Variants in MED21 observed in about 807,000 individuals in gnomAD.
The protein encoded by MED21 is mediator of RNA polymerase II transcription subunit 21.
MED21 carries 9 observed loss-of-function variants against 18.2 expected under a neutral mutation model. The observed-to-expected ratio is 0.49, with a 90% CI of 0.30 to 0.86. MED21 has a LOEUF of 0.86. MED21 is among the 40% of genes least tolerant of loss of function. MED21 has a pLI of 0.07. For synonymous variants in MED21, 73 were observed against 60.5 expected (o/e 1.21, Z -0.96); for missense variants, 150 against 170.9 (o/e 0.88, Z 0.68).
In MED21 at chr12:27,028,776, T is replaced by G. The variant is rs919759331; in HGVS notation, c.*315T>G. On this transcript the variant is annotated 3_prime_UTR_variant, in exon 4 of 4. Coordinates refer to ENST00000282892, the MANE Select transcript of MED21 (RefSeq NM_004264.5). ...TATGACATAATTTATGTCTCCATTT[T>G]GTTGTATTGGCCAGTACTTTTACAA... The G allele has an allele frequency of 4.5e-5, 46 of 1,022,332 alleles. No homozygotes were observed. In the African/African-American group the frequency reaches 7.5e-4, roughly 17 times the overall value. The allele number at this position is 1,022,332 out of a possible 1,614,324, so 63.3% of individuals were successfully genotyped here. A position where few individuals can be genotyped will look rare whatever the true frequency, so the allele number is the denominator to read the frequency against.
At chr12:27,037,001 A>C (rs940063614) in intron 2 of MED21, 6 of 152,028 alleles carry the variant, frequency 3.9e-5, no homozygotes, top group African/African-American at 1.5e-4. Flanking sequence ...CTTGATGGGG[A>C]TGGCATTGAA....
At chr12:27,038,860 A>C (rs1023813898) in intron 2 of MED21, 4 of 152,100 alleles carry the variant, frequency 2.6e-5, no homozygotes, top group Non-Finnish European at 5.9e-5. Context: ...TGATGTTTGC[A>C]CAACTCTGTG....
intron 1 of MED21, among the ~76,000 whole-genome samples, chr12:27,025,072 A>G (rs1373359493): frequency 6.6e-6 from 1 of 152,254 alleles, no homozygotes; most frequent in Non-Finnish European, 1.5e-5. Flanking sequence ...TTTGTTGACT[A>G]AATGGATCTT....
At chr12:27,027,528 G>A (rs1941562050) in intron 3 of MED21, 81 bp downstream of exon 3, 1 of 936,436 alleles carries the variant, frequency 1.1e-6, no homozygotes, top group African/African-American at 1.6e-5. Flanking sequence ...CCTTTTGTCT[G>A]TGTCCATTTG....
Position 27,028,787 on chromosome 12 carries a change from C to T in MED21, c.*326C>T, listed in dbSNP as rs1941578775. 9.9e-7 allele frequency: 1 copy of T among 1,008,800 alleles called. No individual in the cohort carries two copies. The highest frequency in any genetic ancestry group is 4.4e-5 in the South Asian group (1 of 22,826). The allele number at this position is 1,008,800 out of a possible 1,614,324, so 62.5% of individuals were successfully genotyped here. A position where few individuals can be genotyped will look rare whatever the true frequency, so the allele number is the denominator to read the frequency against. On this transcript the variant is annotated 3_prime_UTR_variant, in exon 4 of 4. Transcript: ENST00000282892. ...TTATGTCTCCATTTTGTTGTATTGG[C>T]CAGTACTTTTACAAATCAAAACATC...
At chr12:27,035,716 G>A (rs1046801044), downstream of MED21, among the ~76,000 whole-genome samples, 2 of 151,026 alleles carry the variant, frequency 1.3e-5, no homozygotes, top group African/African-American at 4.9e-5. Flanking sequence ...GCCATAGTTT[G>A]CTGAGAATGA....
chr12:27,024,352 T>C (rs1459988858), intron 1 of MED21, among the ~76,000 whole-genome samples: 1 of 152,176 alleles, frequency 6.6e-6, no homozygotes, highest in Non-Finnish European at 1.5e-5. Flanking sequence ...CATCAGAATT[T>C]GTACACTTGA....
chr12:27,034,943 G>GT (rs1941640294), downstream of MED21, among the ~76,000 whole-genome samples: 1 of 152,104 alleles, frequency 6.6e-6, no homozygotes, highest in Non-Finnish European at 1.5e-5. Context: ...TAGAGACAGG[G>GT]TTTTACCATG....
In MED21 at chr12:27,022,611, C is replaced by T; in HGVS notation, c.32C>T (p.Ala11Val). 1.3e-6 allele frequency: 2 copies of T among 1,591,196 alleles called. No homozygotes were observed. The highest frequency in any genetic ancestry group is 8.6e-7 in the Non-Finnish European group (1 of 1,164,170). The change falls in exon 1 of 4, where the codon GCT (alanine) becomes GTT (valine). Residue 11 changes from alanine to valine, a missense_variant. Coordinates refer to ENST00000282892, the MANE Select transcript of MED21 (RefSeq NM_004264.5). MADRLTQLQD[A>V]VNSLADQFCN... Reference sequence around the variant, plus strand: ...GATCGGCTCACGCAGCTTCAGGACGCTGTGAATTCGGTGAGGAATTTCATT... The same window carrying T: ...GATCGGCTCACGCAGCTTCAGGACGTTGTGAATTCGGTGAGGAATTTCATT...
At chr12:27,031,805 G>C (rs184628910), downstream of MED21, among the ~76,000 whole-genome samples, 3 of 152,122 alleles carry the variant, frequency 2.0e-5, no homozygotes, top group African/African-American at 7.2e-5. Context: ...AGAATGAAAG[G>C]AGAAAGAGGA....
intron 3 of MED21, 31 bp from the exon 4 acceptor site, chr12:27,028,254 C>G (rs752624527): frequency 2.6e-6 from 4 of 1,560,108 alleles, no homozygotes; most frequent in Non-Finnish European, 3.5e-6. Flanking sequence ...TTTCTAAACT[C>G]TAAAGATTTT....
In MED21 at chr12:27,029,856, AC is replaced by A. The variant is rs532018067; in HGVS notation, c.*1396del. ...AGTATTATAAAGGAGTCAAAAAGGT[AC>A]AAAGAGAAAAGGTCAAGACATTTTT... On this transcript the variant is annotated 3_prime_UTR_variant, in exon 4 of 4. Transcript: ENST00000282892. The A allele has an allele frequency of 5.0e-4, 504 of 1,006,924 alleles. No individual in the cohort carries two copies. Among genetic ancestry groups the A allele is most frequent in the Non-Finnish European group, 5.7e-4 (477 of 837,316 alleles). 62.4% of individuals were successfully genotyped at this position (1,006,924 alleles called of 1,614,324 possible). A position where few individuals can be genotyped will look rare whatever the true frequency, so the allele number is the denominator to read the frequency against.
intron 2 of MED21, among the ~76,000 whole-genome samples, chr12:27,036,692 G>C (rs1187080430): frequency 6.6e-6 from 1 of 152,176 alleles, no homozygotes; most frequent in Non-Finnish European, 1.5e-5. Flanking sequence ...TTATTAAATA[G>C]GGAATCCTTT....
chr12:27,031,625 A>G (rs1941619785), downstream of MED21, among the ~76,000 whole-genome samples: 1 of 152,120 alleles, frequency 6.6e-6, no homozygotes, highest in African/African-American at 2.4e-5. Flanking sequence ...TCCATCCTTA[A>G]GATTCTGTGT....
intron 2 of MED21, 46 bp downstream of exon 2, chr12:27,026,580 T>C (rs1261551838): frequency 8.4e-7 from 1 of 1,194,980 alleles, no homozygotes; most frequent in South Asian, 1.3e-5. Flanking sequence ...CTCACATTTT[T>C]TGTAATCCTT....
At chr12:27,033,459 G>T (rs1941632044), downstream of MED21, among the ~76,000 whole-genome samples, 1 of 152,190 alleles carries the variant, frequency 6.6e-6, no homozygotes, top group South Asian at 2.1e-4. Flanking sequence ...AATTTGTGGG[G>T]TTGGGAGGGA....
chr12:27,030,801 T>C (rs1014433594), downstream of MED21: 8 of 152,252 alleles, frequency 5.3e-5, no homozygotes, highest in African/African-American at 1.9e-4. Context: ...ATTACCATCT[T>C]GCTCTGCTGC....
At position 27,029,724 on chromosome 12, in the gene MED21, G is replaced by A; in HGVS notation, c.*1263G>A. On this transcript the variant is annotated 3_prime_UTR_variant, in exon 4 of 4. Coordinates refer to ENST00000282892, the MANE Select transcript of MED21 (RefSeq NM_004264.5). ...AACTTTTAACTGTATTTTAATTGAT[G>A]TTTATTAAAAACACTTTGCTATCAG... 1.0e-6 allele frequency: 1 copy of A among 983,302 alleles called. No homozygotes were observed. The allele number at this position is 983,302 out of a possible 1,614,324, so 60.9% of individuals were successfully genotyped here. A position where few individuals can be genotyped will look rare whatever the true frequency, so the allele number is the denominator to read the frequency against.
chr12:27,030,122 G>T lies in MED21; in HGVS notation c.*1661G>T. The T allele has an allele frequency of 1.7e-6, 1 of 604,222 alleles. No individual in the cohort carries two copies. The highest frequency in any genetic ancestry group is 3.0e-6 in the Non-Finnish European group (1 of 332,338). The allele number at this position is 604,222 out of a possible 1,614,324, so 37.4% of individuals were successfully genotyped here. On this transcript the variant is annotated 3_prime_UTR_variant, in exon 4 of 4. Transcript: ENST00000282892. ...TGTGATTCTCTGTAGAGGATATACA[G>T]TTTTTTTTTGTTGTTCTTGTTTCTG... is the stretch of plus-strand genomic sequence containing the variant.
Sources: allele counts gnomAD v4.1 joint callset (sites outside exome capture counted in the v4.1 genomes callset), GRCh38; gene constraint gnomAD v4.1.1; transcripts MANE v1.5; gene names NCBI Gene and HGNC (gene_info 2026-07-23, HGNC 2026-07-21).